Variants in LIN9 observed in about 807,000 individuals in gnomAD.
LIN9 encodes the protein protein lin-9 homolog.
Under a neutral mutation model 78.0 loss-of-function variants are expected in LIN9, and 18 were observed. The observed-to-expected ratio is 0.23, with a 90% confidence interval of 0.16 to 0.34. The LOEUF (loss-of-function observed/expected upper bound fraction) is 0.34. Ranked by LOEUF, LIN9 falls within the 10% of genes least tolerant of loss-of-function variation. The pLI is 1.00. For missense variants in LIN9, 451 were observed against 644.1 expected (o/e 0.70, Z 3.25); for synonymous variants, 192 against 215.2 (o/e 0.89, Z 0.94).
At chr1:226,282,583 G>A (rs945719264) in intron 6 of LIN9, among the ~76,000 whole-genome samples, 11 of 152,332 alleles carry the variant, frequency 7.2e-5, no homozygotes, top group South Asian at 4.1e-4. Flanking sequence ...CACTTTGGGA[G>A]GCCGAGGCGG....
intron 4 of LIN9, among the ~76,000 whole-genome samples, chr1:226,292,598 T>G: frequency 6.6e-6 from 1 of 152,000 alleles, no homozygotes; most frequent in Non-Finnish European, 1.5e-5. Flanking sequence ...GTACCACAGG[T>G]GCCCACCACC....
intron 2 of LIN9, 59 bp from the exon 3 acceptor site, chr1:226,297,872 T>G: frequency 1.2e-6 from 1 of 842,582 alleles, no homozygotes; most frequent in East Asian, 2.7e-5. Context: ...TTTCATACCA[T>G]GAATACTGTT....
At chr1:226,281,021 G>A (rs754482003) in intron 6 of LIN9, among the ~76,000 whole-genome samples, 2 of 152,156 alleles carry the variant, frequency 1.3e-5, no homozygotes, top group Non-Finnish European at 1.5e-5. Context: ...CACCCTAAGC[G>A]TCCATCAACA....
rs201383597 is a variant in LIN9, at chr1:226,297,794, C to T, written c.84G>A (p.Thr28=). ...VSLKEGSLSN[T]WNEKYSSLQK... is the part of the protein sequence containing the mutation. The stretch of plus-strand genomic sequence containing the variant: ...GTAAAGAACTGTACTTTTCATTCCA[C>T]GTGTTAGATAAGCTTCCTTCTGTAA... Residue 28 remains threonine (T), a synonymous_variant, in exon 3 of 15, where the codon ACG becomes ACA. Coordinates refer to ENST00000681046, the MANE Select transcript of LIN9 (RefSeq NM_001366245.2). 2.1e-5 allele frequency: 33 copies of T among 1,582,256 alleles called. No homozygotes were observed. Among genetic ancestry groups the T allele is most frequent in the Middle Eastern group, 1.7e-4 (1 of 5,972 alleles).
intron 10 of LIN9, among the ~76,000 whole-genome samples, chr1:226,261,287 T>C (rs1473555197): frequency 6.6e-6 from 1 of 151,362 alleles, no homozygotes; most frequent in African/African-American, 2.4e-5. Context: ...TCCTAGCTAA[T>C]GCAATAAGAT....
intron 1 of LIN9, among the ~76,000 whole-genome samples, chr1:226,302,024 G>A (rs778283741): frequency 1.2e-4 from 19 of 152,200 alleles, no homozygotes; most frequent in Admixed American, 5.2e-4. Context: ...AGCTGTGACC[G>A]TGCCACTGCA....
intron 12 of LIN9, among the ~76,000 whole-genome samples, chr1:226,236,581 G>C (rs190403145): frequency 4.6e-5 from 7 of 152,000 alleles, no homozygotes; most frequent in Admixed American, 3.9e-4. Flanking sequence ...TCAGCCTCCC[G>C]AGTAGCTGGG....
intron 7 of LIN9, 123 bp downstream of exon 7, chr1:226,277,652 G>A (rs1660752766): frequency 1.5e-5 from 13 of 855,334 alleles, no homozygotes; most frequent in Middle Eastern, 7.2e-4. Context: ...GAGGGTTAAC[G>A]ATGTCTATTG....
intron 7 of LIN9, among the ~76,000 whole-genome samples, chr1:226,276,181 C>T (rs1244922090): frequency 2.0e-5 from 3 of 152,170 alleles, no homozygotes; most frequent in South Asian, 2.1e-4. Context: ...CAAATAATAT[C>T]ACCAGTTCTT....
At chr1:226,255,842 C>A (rs1156403275) in intron 10 of LIN9, among the ~76,000 whole-genome samples, 1 of 151,718 alleles carries the variant, frequency 6.6e-6, no homozygotes, top group East Asian at 1.9e-4. Flanking sequence ...AAAATCAGCA[C>A]AGAATGTCCA....
chr1:226,271,811 A>G (rs1435852185), intron 7 of LIN9, among the ~76,000 whole-genome samples: 2 of 152,160 alleles, frequency 1.3e-5, no homozygotes, highest in Non-Finnish European at 2.9e-5. Context: ...TAGGATTGGT[A>G]TATCTTTCTG....
chr1:226,234,391 G>A (rs1459310108), intron 12 of LIN9, among the ~76,000 whole-genome samples: 2 of 152,110 alleles, frequency 1.3e-5, no homozygotes, highest in Non-Finnish European at 2.9e-5. Flanking sequence ...AAATGAACTA[G>A]TATCAGTATG....
intron 6 of LIN9, among the ~76,000 whole-genome samples, chr1:226,281,776 C>T (rs1000149119): frequency 1.3e-5 from 2 of 150,576 alleles, no homozygotes; most frequent in African/African-American, 4.9e-5. Flanking sequence ...TCACTGCAAC[C>T]TCCACTACCC....
intron 6 of LIN9, among the ~76,000 whole-genome samples, chr1:226,278,779 G>A (rs1443205875): frequency 6.9e-6 from 1 of 145,476 alleles, no homozygotes; most frequent in East Asian, 2.0e-4. Flanking sequence ...GGCCAAGATT[G>A]AGCCACTTCA....
chr1:226,262,355 G>A (rs993374042), intron 10 of LIN9, among the ~76,000 whole-genome samples: 3 of 152,046 alleles, frequency 2.0e-5, no homozygotes, highest in African/African-American at 7.2e-5. Flanking sequence ...CCACAGACTG[G>A]GAGAAAATAT....
intron 12 of LIN9, among the ~76,000 whole-genome samples, chr1:226,234,532 G>A (rs976781515): frequency 2.0e-5 from 3 of 152,106 alleles, no homozygotes; most frequent in Non-Finnish European, 2.9e-5. Context: ...ACACGTCCCC[G>A]TAATTTGGGG....
chr1:226,249,962 G>C (rs1020767544), intron 11 of LIN9, among the ~76,000 whole-genome samples: 5 of 152,120 alleles, frequency 3.3e-5, no homozygotes, highest in Non-Finnish European at 7.4e-5. Context: ...CTGAGGTCAG[G>C]AGTTCCAGAG....
In LIN9 at chr1:226,275,555, T is replaced by C. The variant is rs184389711; in HGVS notation, c.682+2220A>G. Among the ~76,000 whole-genome samples the C allele has an allele frequency of 2.9e-3, 432 of 151,420 alleles. 1 individual carries two copies. Among genetic ancestry groups the C allele is most frequent in the African/African-American group, 0.01 (418 of 41,268 alleles). On this transcript the variant is annotated intron_variant, in intron 7 of 14. Coordinates refer to ENST00000681046, the MANE Select transcript of LIN9 (RefSeq NM_001366245.2). The stretch of plus-strand genomic sequence containing the variant: ...CTAAAAATACAAAATATGTCGGGTG[T>C]GGTGGCGTGCACCTGCAGTCCCAGC...
chr1:226,300,205 C>T lies in LIN9; in HGVS notation c.64+968G>A, dbSNP rs372962686. Among the ~76,000 whole-genome samples, 32 of 152,096 alleles carry T rather than the reference C, an allele frequency of 2.1e-4. No homozygotes were observed. The East Asian group carries it at 2.4e-3, about 11-fold the overall frequency. ...CGCCTGCCTCAGCCTCCCAAAGTGC[C>T]GGGATTACAGGCGTGAGCCACCGTG... is the stretch of plus-strand genomic sequence containing the variant. On this transcript the variant is annotated intron_variant, in intron 2 of 14. Transcript: ENST00000681046.
Sources: gnomAD v4.1 joint callset for allele counts (sites outside exome capture counted in the v4.1 genomes callset) on GRCh38, gnomAD v4.1.1 for gene constraint, MANE v1.5 for transcripts, NCBI Gene and HGNC (gene_info 2026-07-23, HGNC 2026-07-21) for gene names.